The following NLK variants were observed in gnomAD, a reference collection of about 807,000 sequenced individuals.
NLK encodes nemo like kinase.
NLK carries 11 observed loss-of-function variants against 59.0 expected under a neutral mutation model. The ratio of observed to expected loss-of-function variants is 0.19; its 90% CI spans 0.12 to 0.31. The LOEUF is 0.31. Among genes scored for constraint, NLK ranks in the 10% least tolerant of loss-of-function variants. The pLI, the probability that NLK is intolerant of heterozygous loss-of-function variation, is 1.00. For missense variants in NLK, 410 were observed against 661.1 expected, an observed-to-expected ratio of 0.62 and a Z score of 4.16; for synonymous variants, 235 against 235.9, an observed-to-expected ratio of 1.00 and a Z score of 0.03.
At chr17:28,181,460 T>G (rs1053010495) in intron 7 of NLK, among the ~76,000 whole-genome samples, 1 of 151,254 alleles carries the variant, frequency 6.6e-6, no homozygotes, top group Admixed American at 6.6e-5. Context: ...TCCCAGCTAC[T>G]CAGAAGGCTC....
chr17:28,154,403 G>A (rs1471922989), intron 3 of NLK, among the ~76,000 whole-genome samples: 1 of 152,136 alleles, frequency 6.6e-6, no homozygotes, highest in Non-Finnish European at 1.5e-5. Flanking sequence ...AGAAAGATTG[G>A]AGGACTCTTC....
intron 3 of NLK, among the ~76,000 whole-genome samples, chr17:28,149,668 C>G (rs779771518): frequency 7.2e-5 from 11 of 152,120 alleles, no homozygotes; most frequent in Non-Finnish European, 1.5e-4. Flanking sequence ...AAATCAGAAC[C>G]TAAGGAGCTT....
intron 3 of NLK, among the ~76,000 whole-genome samples, chr17:28,140,875 C>T (rs545471345): frequency 1.3e-5 from 2 of 152,104 alleles, no homozygotes; most frequent in South Asian, 4.1e-4. Flanking sequence ...AGTAGTCCTT[C>T]CTGTATCAAT....
chr17:28,120,089 C>T (rs1367378867), intron 1 of NLK, among the ~76,000 whole-genome samples: 2 of 152,212 alleles, frequency 1.3e-5, no homozygotes, highest in African/African-American at 4.8e-5. Flanking sequence ...TGACATTTTT[C>T]TCTTCTAGTA....
At chr17:28,156,694 A>C (rs571914335) in intron 3 of NLK, among the ~76,000 whole-genome samples, 1 of 152,258 alleles carries the variant, frequency 6.6e-6, no homozygotes, top group East Asian at 1.9e-4. Context: ...TTTCTAGTTA[A>C]CTGGTCATTA....
chr17:28,194,537 C>T (rs1416644231), intron 10 of NLK, 45 bp from the exon 11 acceptor site: 1 of 1,428,402 alleles, frequency 7.0e-7, no homozygotes, highest in South Asian at 1.2e-5. Flanking sequence ...CCCTTTTGTC[C>T]ATTGTGACAT....
intron 3 of NLK, among the ~76,000 whole-genome samples, chr17:28,145,923 T>C (rs1907227762): frequency 6.6e-6 from 1 of 152,146 alleles, no homozygotes; most frequent in Admixed American, 6.5e-5. Flanking sequence ...GCCAGGCTGG[T>C]CTTGACTCCC....
chr17:28,122,909 T>G (rs536151162), intron 2 of NLK, among the ~76,000 whole-genome samples, 177 bp downstream of exon 2: 1 of 152,308 alleles, frequency 6.6e-6, no homozygotes, highest in East Asian at 1.9e-4. Context: ...GAATACCTAT[T>G]GATAGGCTTT....
intron 1 of NLK, among the ~76,000 whole-genome samples, chr17:28,110,587 C>T (rs1420849534): frequency 3.3e-5 from 5 of 151,560 alleles, no homozygotes; most frequent in Non-Finnish European, 7.4e-5. Context: ...CTTGTTCTGC[C>T]TCTTTCTTGC....
intron 3 of NLK, among the ~76,000 whole-genome samples, chr17:28,138,491 T>A (rs575277592): frequency 6.6e-6 from 1 of 152,272 alleles, no homozygotes; most frequent in Admixed American, 6.5e-5. Flanking sequence ...TAAATAGGAA[T>A]CTCTTGTCAT....
At chr17:28,161,024 T>A (rs1364687892) in intron 3 of NLK, 136 bp from the exon 4 acceptor site, 1 of 533,344 alleles carries the variant, frequency 1.9e-6, no homozygotes. Context: ...AATTCTCACC[T>A]CTGTCACGCT....
chr17:28,153,583 T>C (rs1012100433), intron 3 of NLK, among the ~76,000 whole-genome samples: 2 of 152,204 alleles, frequency 1.3e-5, no homozygotes, highest in Admixed American at 6.5e-5. Flanking sequence ...ATTTGGGGGT[T>C]AGCATTTCAA....
intron 1 of NLK, among the ~76,000 whole-genome samples, chr17:28,120,256 G>A (rs201316320): frequency 4.0e-4 from 61 of 150,812 alleles, no homozygotes; most frequent in East Asian, 2.0e-3. Flanking sequence ...GTGTGTGTGT[G>A]TGTGTGTGTG....
chr17:28,086,035 G>GT (rs1227347334), intron 1 of NLK, among the ~76,000 whole-genome samples: 1 of 152,142 alleles, frequency 6.6e-6, no homozygotes, highest in Admixed American at 6.6e-5. Context: ...TATCCCTGTT[G>GT]TTAAGTGACA....
chr17:28,130,792 A>G (rs1294610483), intron 2 of NLK, among the ~76,000 whole-genome samples: 2 of 152,320 alleles, frequency 1.3e-5, no homozygotes, highest in East Asian at 1.9e-4. Flanking sequence ...TCAGTTGTCA[A>G]ATATTCATGT....
At chr17:28,134,609 C>T (rs1171903604) in intron 3 of NLK, among the ~76,000 whole-genome samples, 1 of 152,170 alleles carries the variant, frequency 6.6e-6, no homozygotes, top group East Asian at 1.9e-4. Context: ...TGGAACCAAT[C>T]CCCCTTGGAT....
rs35341813 is a variant in NLK, at chr17:28,173,436, TGCAAAGGGAAGGTG to T, written c.1149+830_1149+843del. On this transcript the variant is annotated intron_variant, in intron 7 of 10. Transcript: ENST00000407008. ...CCTCTCAAACTGTCAGCCAGACATTTGCAAAGGGAAGGTGGCAAAGGGAAGACCTCACCTTCCCT... is the reference window on the plus strand; with the variant it reads ...CCTCTCAAACTGTCAGCCAGACATTTGCAAAGGGAAGACCTCACCTTCCCT... 9.8e-3 allele frequency among the ~76,000 whole-genome samples: 1,485 copies of T among 152,270 alleles called. 13 individuals are homozygous for T. Among genetic ancestry groups the T allele is most frequent in the Non-Finnish European group, 0.016 (1,068 of 68,008 alleles).
At chr17:28,071,853 G>A (rs1910016500) in intron 1 of NLK, among the ~76,000 whole-genome samples, 2 of 152,200 alleles carry the variant, frequency 1.3e-5, no homozygotes, top group Admixed American at 1.3e-4. Context: ...GGTTTCTCTT[G>A]CCCTGCTTTC....
chr17:28,094,733 T>C lies in NLK; in HGVS notation c.459-27870T>C, dbSNP rs34800261. 3.2e-3 allele frequency among the ~76,000 whole-genome samples: 479 copies of C among 152,048 alleles called. 2 individuals carry two copies. Among genetic ancestry groups the C allele is most frequent in the African/African-American group, 0.011 (453 of 41,444 alleles). On this transcript the variant is annotated intron_variant, in intron 1 of 10. Coordinates refer to ENST00000407008, the MANE Select transcript of NLK (RefSeq NM_016231.5). ...CATCTGGTAAAGGGAGGTATAAGAG[T>C]TGGAATTCTTGGATTACAAAAGTTC... is the stretch of plus-strand genomic sequence containing the variant.
Sources: gnomAD v4.1 joint callset for allele counts (sites outside exome capture counted in the v4.1 genomes callset) on GRCh38, gnomAD v4.1.1 for gene constraint, MANE v1.5 for transcripts, NCBI Gene and HGNC (gene_info 2026-07-23, HGNC 2026-07-21) for gene names.